The following AGBL2 variants were observed in gnomAD, a reference collection of about 807,000 sequenced individuals.
AGBL2 encodes the protein cytosolic carboxypeptidase 2.
AGBL2 carries 87 observed loss-of-function variants against 103.0 expected under a neutral mutation model. That is an observed-to-expected ratio of 0.84 (90% CI 0.71 to 1.01). The LOEUF is 1.01. Among genes scored for constraint, AGBL2 ranks in the 50% least tolerant of loss-of-function variants. The pLI is 0.00. For synonymous variants in AGBL2, 335 were observed against 356.7 expected, an observed-to-expected ratio of 0.94 and a Z score of 0.69; for missense variants, 904 against 1,023.5, an observed-to-expected ratio of 0.88 and a Z score of 1.59.
At chr11:47,712,301 A>G (rs1202324068) in intron 3 of AGBL2, among the ~76,000 whole-genome samples, 1 of 152,196 alleles carries the variant, frequency 6.6e-6, no homozygotes, top group East Asian at 1.9e-4. Context: ...TAATGTAGTT[A>G]ATAAAAAAGT....
chr11:47,667,432 G>T, intron 16 of AGBL2, 139 bp downstream of exon 16: 1 of 1,133,300 alleles, frequency 8.8e-7, no homozygotes, highest in Non-Finnish European at 1.2e-6. Flanking sequence ...GAAGGGTTCT[G>T]ATCGCAAAAC....
intron 8 of AGBL2, among the ~76,000 whole-genome samples, chr11:47,697,729 G>A (rs1157858595): frequency 6.7e-6 from 1 of 150,262 alleles, no homozygotes; most frequent in African/African-American, 2.5e-5. Context: ...TGTATTTTTA[G>A]TAGACACGGA....
rs1339625140 is a variant in AGBL2 at position 47,714,709 on chromosome 11, C to T, written c.-59G>A. 1.3e-6 allele frequency: 2 copies of T among 1,545,744 alleles called. No homozygotes were observed. The highest frequency in any genetic ancestry group is 1.8e-6 in the Non-Finnish European group (2 of 1,118,108). On this transcript the variant is annotated 5_prime_UTR_variant, in exon 2 of 19. Transcript: ENST00000525123. ...GTGACATTAGCATCCAGTCGCAAAC[C>T]CTGCCCAATTTCCAAATAGGCAGCT...
intron 18 of AGBL2, among the ~76,000 whole-genome samples, chr11:47,661,424 G>A (rs893757148): frequency 6.6e-6 from 1 of 152,032 alleles, no homozygotes; most frequent in Admixed American, 6.6e-5. Flanking sequence ...TCTTTTCGCC[G>A]CTCTTCATTT....
At chr11:47,713,801 G>A (rs937736649) in intron 3 of AGBL2, among the ~76,000 whole-genome samples, 6 of 151,720 alleles carry the variant, frequency 4.0e-5, no homozygotes, top group African/African-American at 1.2e-4. Context: ...GTGTTAGCCA[G>A]GATGGTCTCG....
intron 14 of AGBL2, among the ~76,000 whole-genome samples, chr11:47,676,346 C>G (rs557784230): frequency 4.3e-4 from 65 of 152,268 alleles, no homozygotes; most frequent in African/African-American, 1.5e-3. Context: ...CACATCCCCC[C>G]ACAACCACTG....
chr11:47,667,597 T>C lies in AGBL2; in HGVS notation c.2314A>G (p.Lys772Glu). The C allele has an allele frequency of 6.2e-7, 1 of 1,614,078 alleles. No homozygotes were observed. Among genetic ancestry groups the C allele is most frequent in the Non-Finnish European group, 8.5e-7 (1 of 1,180,018 alleles). Residue 772 changes from lysine to glutamate, a missense_variant, in exon 16 of 19, where the codon AAG (lysine) becomes GAG (glutamate). Lys to Glu is a moderately conservative substitution (Grantham distance 56). Transcript: ENST00000525123. ...GAGGTATCTTCTGTTAACTTTAACT[T>C]CTGCATCAAATTTTTTTTCTGATAC... ...EQYQKKNLMQ[K>E]LKLTEDTSEK...
chr11:47,707,978 T>G (rs1317851953), intron 4 of AGBL2, among the ~76,000 whole-genome samples: 1 of 152,020 alleles, frequency 6.6e-6, no homozygotes, highest in Non-Finnish European at 1.5e-5. Flanking sequence ...GGACTCAAAA[T>G]CCTGGGCAAT....
At chr11:47,690,903 C>A in intron 9 of AGBL2, 45 bp from the exon 10 acceptor site, 2 of 1,476,078 alleles carry the variant, frequency 1.4e-6, no homozygotes, top group Admixed American at 2.1e-5. Flanking sequence ...TACACCCTGC[C>A]TTAAAAAACA....
At chr11:47,680,173 C>A in intron 12 of AGBL2, 100 bp from the exon 13 acceptor site, 1 of 779,438 alleles carries the variant, frequency 1.3e-6, no homozygotes, top group South Asian at 1.7e-5. Flanking sequence ...CACCACTGGC[C>A]AGGCGGGGTG....
At position 47,667,022 on chromosome 11, in the gene AGBL2, G is replaced by T. The variant is rs1475814912; in HGVS notation, c.2382C>A (p.Thr794=). ...TGGAATTCTCTGAGTTTTTGAAAAA[G>T]GTTGGCTGCTTTTGCAGAGTAGAAG... ...GFASTLQKQP[T]FFKNSENSSF... is the part of the protein sequence containing the mutation. Residue 794 remains threonine, a synonymous_variant, in exon 17 of 19, where the codon ACC becomes ACA. Coordinates refer to ENST00000525123, the MANE Select transcript of AGBL2 (RefSeq NM_024783.4). 4 of 1,613,096 alleles carry T rather than the reference G, an allele frequency of 2.5e-6. No homozygotes were observed. Among genetic ancestry groups the T allele is most frequent in the African/African-American group, 1.3e-5 (1 of 74,768 alleles).
chr11:47,673,876 G>C (rs1167337417), intron 14 of AGBL2, among the ~76,000 whole-genome samples: 1 of 151,160 alleles, frequency 6.6e-6, no homozygotes, highest in Non-Finnish European at 1.5e-5. Flanking sequence ...GAGATGGGTG[G>C]ATCACCTGAG....
chr11:47,679,078 A>G lies in AGBL2; in HGVS notation c.2016+895T>C, dbSNP rs1401554338. ...TGTCTCAAAAAAAAAAAAAAAAAAA[A>G]AAAAAAAAAAAGAAAAGACACCTGA... is the stretch of plus-strand genomic sequence containing the variant. On this transcript the variant is annotated intron_variant, in intron 13 of 18. Coordinates refer to ENST00000525123, the MANE Select transcript of AGBL2 (RefSeq NM_024783.4). Among the ~76,000 whole-genome samples, 4 of 148,938 alleles carry G rather than the reference A, an allele frequency of 2.7e-5. No individual in the cohort carries two copies. In the South Asian group the frequency reaches 8.4e-4, roughly 31 times the overall value.
intron 14 of AGBL2, 113 bp from the exon 15 acceptor site, chr11:47,669,020 C>T: frequency 1.4e-6 from 1 of 697,020 alleles, no homozygotes; most frequent in Non-Finnish European, 2.5e-6. Flanking sequence ...TTCTAGTCTA[C>T]TATTTCTCTC....
intron 4 of AGBL2, 95 bp from the exon 5 acceptor site, chr11:47,706,012 A>G: frequency 1.1e-6 from 1 of 944,614 alleles, no homozygotes; most frequent in Non-Finnish European, 1.7e-6. Flanking sequence ...TCCTATGCTC[A>G]CTCTGGACCC....
At position 47,690,270 on chromosome 11, in the gene AGBL2, G is replaced by T. The variant is rs1279625293; in HGVS notation, c.1437C>A (p.Ile479=). Residue 479 remains isoleucine, a synonymous_variant, in exon 10 of 19, where the codon ATC becomes ATA. Coordinates refer to ENST00000525123, the MANE Select transcript of AGBL2 (RefSeq NM_024783.4). ...SWVMKGFLDF[I]LSNSPDAQLL... ...GCTGGGCATCTGGGGAGTTGCTAAG[G>T]ATGAAGTCCAAAAAGCCTTTCATAA... 3 of 1,613,774 alleles carry T rather than the reference G, an allele frequency of 1.9e-6. No homozygotes were observed. The South Asian group carries it at 3.3e-5, about 18-fold the overall frequency.
chr11:47,683,770 CA>C lies in AGBL2; in HGVS notation c.1789-1676del, dbSNP rs1221104232. Among the ~76,000 whole-genome samples the C allele has an allele frequency of 3.7e-3, 469 of 127,430 alleles. 1 individual carries two copies. Among genetic ancestry groups the C allele is most frequent in the Middle Eastern group, 0.018 (4 of 226 alleles). 83.6% of individuals were successfully genotyped at this position (127,430 alleles called of 152,430 possible). A position where few individuals can be genotyped will look rare whatever the true frequency, so the allele number is the denominator to read the frequency against. ...TGGGAGACAGAGTGAGACTCCATCTCAAAAAAAAAAAAAATTAAAATACTTT... is the reference window on the plus strand; with the variant it reads ...TGGGAGACAGAGTGAGACTCCATCTCAAAAAAAAAAAAATTAAAATACTTT... On this transcript the variant is annotated intron_variant, in intron 11 of 18. Coordinates refer to ENST00000525123, the MANE Select transcript of AGBL2 (RefSeq NM_024783.4).
chr11:47,707,484 C>T (rs2097524780), intron 4 of AGBL2, among the ~76,000 whole-genome samples: 1 of 152,174 alleles, frequency 6.6e-6, no homozygotes, highest in Non-Finnish European at 1.5e-5. Flanking sequence ...TGCAGGGAAA[C>T]TCCCCCTTAT....
At chr11:47,694,746 C>T (rs954914417) in intron 8 of AGBL2, among the ~76,000 whole-genome samples, 1 of 152,186 alleles carries the variant, frequency 6.6e-6, no homozygotes, top group Non-Finnish European at 1.5e-5. Flanking sequence ...ACATTGTCCT[C>T]CTCCCCTCTT....
Sources: gnomAD v4.1 joint callset for allele counts (sites outside exome capture counted in the v4.1 genomes callset) on GRCh38, gnomAD v4.1.1 for gene constraint, MANE v1.5 for transcripts, NCBI Gene and HGNC (gene_info 2026-07-23, HGNC 2026-07-21) for gene names.